Variants in TTC39B observed in about 807,000 individuals in gnomAD.
TTC39B encodes the protein tetratricopeptide repeat protein 39B.
TTC39B carries 92 observed loss-of-function variants against 96.6 expected under a neutral mutation model. The observed-to-expected ratio is 0.95, with a 90% CI of 0.80 to 1.13. The LOEUF is 1.13. Ranked by LOEUF, TTC39B falls within the 50% of genes most tolerant of loss-of-function variation. TTC39B has a pLI of 0.00. For missense variants in TTC39B, 955 were observed against 809.3 expected (o/e 1.18, Z -2.18); for synonymous variants, 367 against 299.4 (o/e 1.23, Z -2.33).
At chr9:15,191,369 G>T in intron 9 of TTC39B, 114 bp from the exon 10 acceptor site, 1 of 652,878 alleles carries the variant, frequency 1.5e-6, no homozygotes, top group Non-Finnish European at 2.6e-6. Context: ...TTGGGAACAA[G>T]TTTTAACCAC....
intron 1 of TTC39B, among the ~76,000 whole-genome samples, chr9:15,296,643 T>A (rs1054775382): frequency 1.3e-5 from 2 of 152,158 alleles, no homozygotes; most frequent in Admixed American, 1.3e-4. Flanking sequence ...TACAGGCATA[T>A]GCCACCATGC....
intron 1 of TTC39B, among the ~76,000 whole-genome samples, chr9:15,282,832 C>T (rs1434485049): frequency 7.7e-6 from 1 of 130,400 alleles, no homozygotes; most frequent in African/African-American, 2.7e-5. Flanking sequence ...CCACAGAGTC[C>T]AGCTTCAGAA....
intron 3 of TTC39B, among the ~76,000 whole-genome samples, chr9:15,216,819 G>A (rs1211254790): frequency 2.0e-5 from 3 of 152,204 alleles, no homozygotes; most frequent in Admixed American, 2.0e-4. Flanking sequence ...AGGAACCCAG[G>A]CTCTCAAAGA....
At chr9:15,167,023 TATATA>T (rs1485033390) in exon 20 of TTC39B, 18 of 13,672 alleles carry the variant, frequency 1.3e-3, no homozygotes, top group African/African-American at 2.2e-3. Flanking sequence ...TATATATATA[TATATA>T]TTTTTTTTTT....
chr9:15,258,425 C>T (rs939767214), intron 2 of TTC39B, among the ~76,000 whole-genome samples: 1 of 152,084 alleles, frequency 6.6e-6, no homozygotes, highest in African/African-American at 2.4e-5. Flanking sequence ...GAGGTGGATA[C>T]CAAGAGTTCA....
At chr9:15,256,162 T>C (rs1167562601) in intron 2 of TTC39B, among the ~76,000 whole-genome samples, 1 of 152,106 alleles carries the variant, frequency 6.6e-6, no homozygotes, top group Non-Finnish European at 1.5e-5. Context: ...TGAGGGAGTC[T>C]CTTTGCCCTT....
chr9:15,264,183 G>A (rs567502521), intron 2 of TTC39B, among the ~76,000 whole-genome samples: 7 of 152,098 alleles, frequency 4.6e-5, no homozygotes, highest in South Asian at 2.1e-4. Context: ...AATGCTTCTC[G>A]AATTCCCCAC....
intron 1 of TTC39B, among the ~76,000 whole-genome samples, chr9:15,274,403 T>C (rs1190287073): frequency 6.6e-6 from 1 of 152,236 alleles, no homozygotes; most frequent in Non-Finnish European, 1.5e-5. Context: ...CAGTGCCACA[T>C]TTTTTTAAGT....
intron 2 of TTC39B, among the ~76,000 whole-genome samples, chr9:15,264,300 A>T (rs1219262591): frequency 6.6e-6 from 1 of 152,204 alleles, no homozygotes. Context: ...AGTACACTGT[A>T]TTCAGGATTT....
Position 15,263,776 on chromosome 9 carries a change from G to A in TTC39B, c.275+4138C>T, listed in dbSNP as rs147153730. 5.1e-4 allele frequency among the ~76,000 whole-genome samples: 78 copies of A among 152,194 alleles called. No homozygotes were observed. The East Asian group carries it at 0.015, about 29-fold the overall frequency. On this transcript the variant is annotated intron_variant, in intron 2 of 19. Coordinates refer to ENST00000512701, the Ensembl canonical transcript of TTC39B. ...AATCTGGCTACCCCTTCTGATTTTG[G>A]GCTCTATCTCTCTCTATTAGGAGAA...
At chr9:15,185,384 T>C (rs780600579) in exon 16 of TTC39B, 5 of 1,613,850 alleles carry the variant, frequency 3.1e-6, no homozygotes, top group Admixed American at 1.7e-5. Flanking sequence ...CCGGCAATTC[T>C]CTGCTTCAAG....
At position 15,192,645 on chromosome 9, in the gene TTC39B, TC is replaced by T; in HGVS notation, c.874del (p.Glu292AsnfsTer19). On this transcript the variant is annotated frameshift_variant, in exon 9 of 20. Coordinates refer to ENST00000512701, the Ensembl canonical transcript of TTC39B. LOFTEE classifies it high-confidence loss of function. ...ACCCCCTTCAAACTCATAGAAGAAT[TC>T]CTGCTGAAGTTTGTTCTTCTGAATT... 3 of 1,614,142 alleles carry T rather than the reference TC, an allele frequency of 1.9e-6. No homozygotes were observed. The South Asian group carries it at 3.3e-5, about 18-fold the overall frequency.
intron 2 of TTC39B, among the ~76,000 whole-genome samples, chr9:15,235,935 C>G (rs888379027): frequency 2.6e-5 from 4 of 151,718 alleles, no homozygotes; most frequent in Admixed American, 6.6e-5. Context: ...GCTAACAACA[C>G]TATGACAGGA....
intron 2 of TTC39B, among the ~76,000 whole-genome samples, chr9:15,257,218 C>G (rs1209879639): frequency 1.3e-5 from 2 of 152,066 alleles, no homozygotes; most frequent in Admixed American, 6.5e-5. Context: ...ATCTTGGTAT[C>G]TGAATGGTAA....
intron 2 of TTC39B, among the ~76,000 whole-genome samples, chr9:15,235,058 C>CA (rs1179741714): frequency 9.7e-5 from 12 of 124,138 alleles, no homozygotes; most frequent in African/African-American, 1.8e-4. Flanking sequence ...AAAAACAAAA[C>CA]AAAACAAAAC....
At chr9:15,301,444 A>G (rs943747951) in intron 1 of TTC39B, among the ~76,000 whole-genome samples, 3 of 152,196 alleles carry the variant, frequency 2.0e-5, no homozygotes, top group African/African-American at 7.2e-5. Context: ...GCGTTCAATG[A>G]ACGTTGGTGG....
chr9:15,278,302 A>G (rs984758897), intron 1 of TTC39B, among the ~76,000 whole-genome samples: 4 of 152,362 alleles, frequency 2.6e-5, no homozygotes, highest in African/African-American at 9.6e-5. Flanking sequence ...CCACAGAGAA[A>G]TAAGTATATA....
chr9:15,191,129 C>A, intron 10 of TTC39B, 61 bp downstream of exon 10: 2 of 1,214,754 alleles, frequency 1.6e-6, no homozygotes, highest in East Asian at 2.3e-5. Flanking sequence ...GCATTGCCCT[C>A]ATGTTCAATA....
chr9:15,281,529 G>T (rs1014684745), intron 1 of TTC39B, among the ~76,000 whole-genome samples: 1 of 149,140 alleles, frequency 6.7e-6, no homozygotes, highest in Non-Finnish European at 1.5e-5. Flanking sequence ...TGTCCTTTTG[G>T]GGCAATCTAA....
Sources: allele counts gnomAD v4.1 joint callset (sites outside exome capture counted in the v4.1 genomes callset), GRCh38; gene constraint gnomAD v4.1.1; transcripts MANE v1.5; gene names NCBI Gene and HGNC (gene_info 2026-07-23, HGNC 2026-07-21).